EPHA6: variants seen among roughly 807,000 people sequenced by gnomAD.
EPHA6 encodes the protein EPH receptor A6.
EPHA6 carries 50 observed loss-of-function variants against 112.0 expected under a neutral mutation model. The ratio of observed to expected loss-of-function variants is 0.45; its 90% CI spans 0.36 to 0.56. EPHA6 has a LOEUF of 0.56. Among genes scored for constraint, EPHA6 ranks in the 20% least tolerant of loss-of-function variants. The probability of loss-of-function intolerance (pLI) is 0.00; values close to 1 mark genes in which losing one functional copy is unlikely to be tolerated. For missense variants in EPHA6, 1,280 were observed against 1,417.4 expected, an observed-to-expected ratio of 0.90 and a Z score of 1.56; for synonymous variants, 529 against 490.7, an observed-to-expected ratio of 1.08 and a Z score of -1.03.
intron 6 of EPHA6, among the ~76,000 whole-genome samples, chr3:97,411,174 A>G (rs2087689356): frequency 6.6e-6 from 1 of 152,000 alleles, no homozygotes; most frequent in South Asian, 2.1e-4. Context: ...TACTGATACA[A>G]ACACTCATAA....
rs1015639437 is a variant in EPHA6 at position 97,753,866 on chromosome 3, T to A, written c.*5165T>A. Among the ~76,000 whole-genome samples, 6 of 152,060 alleles carry A rather than the reference T, an allele frequency of 3.9e-5. No homozygotes were observed. In the East Asian group the frequency reaches 5.8e-4, roughly 15 times the overall value. On this transcript the variant is annotated 3_prime_UTR_variant, in exon 18 of 18. Transcript: ENST00000389672. ...CTTACTGTTAAAAAAAAAGTACTGA[T>A]GAGATGTAGCAAAGATTTCTCAGGA...
intron 5 of EPHA6, among the ~76,000 whole-genome samples, chr3:97,367,654 C>T (rs1577115679): frequency 6.6e-6 from 1 of 151,916 alleles, no homozygotes; most frequent in African/African-American, 2.4e-5. Context: ...TCGTAACCTG[C>T]CCCTTTTATA....
chr3:97,178,621 A>G (rs1295813944), intron 3 of EPHA6, among the ~76,000 whole-genome samples: 1 of 152,104 alleles, frequency 6.6e-6, no homozygotes, highest in Non-Finnish European at 1.5e-5. Flanking sequence ...CAGATATACT[A>G]TTCTATGATT....
intron 5 of EPHA6, among the ~76,000 whole-genome samples, chr3:97,365,986 C>T (rs2084703684): frequency 6.6e-6 from 1 of 152,096 alleles, no homozygotes; most frequent in Admixed American, 6.6e-5. Context: ...TGCTACAATT[C>T]GGATTAAAAA....
At chr3:97,462,647 A>G (rs1305713732) in intron 7 of EPHA6, among the ~76,000 whole-genome samples, 1 of 152,206 alleles carries the variant, frequency 6.6e-6, no homozygotes, top group Non-Finnish European at 1.5e-5. Flanking sequence ...GGTATTAGGT[A>G]TGTTATCACT....
intron 11 of EPHA6, among the ~76,000 whole-genome samples, chr3:97,566,299 A>G (rs550518018): frequency 3.3e-5 from 5 of 152,298 alleles, no homozygotes; most frequent in East Asian, 3.9e-4. Flanking sequence ...CCCATTACCC[A>G]GTCTTCTCCC....
At chr3:97,088,624 C>T (rs974387069) in intron 3 of EPHA6, among the ~76,000 whole-genome samples, 5 of 152,086 alleles carry the variant, frequency 3.3e-5, no homozygotes, top group African/African-American at 1.2e-4. Context: ...TTTTCATTTC[C>T]CCTGACTCTA....
rs1243698887 is a variant in EPHA6, at chr3:97,492,580, A to C, written c.2200+8521A>C. On this transcript the variant is annotated intron_variant, in intron 10 of 17. Coordinates refer to ENST00000389672, the MANE Select transcript of EPHA6 (RefSeq NM_001080448.3). ...AAAAAAAAAAAAAAAAAAAAAAAAA[A>C]AAAAAAAAAAAAAACCGTGGATAAT... Among the ~76,000 whole-genome samples, 3 of 127,916 alleles carry C rather than the reference A, an allele frequency of 2.3e-5. No individual in the cohort carries two copies. The East Asian group carries it at 6.3e-4, about 27-fold the overall frequency. 83.9% of individuals were successfully genotyped at this position (127,916 alleles called of 152,430 possible).
intron 3 of EPHA6, among the ~76,000 whole-genome samples, chr3:97,218,821 G>C: frequency 6.6e-6 from 1 of 152,138 alleles, no homozygotes; most frequent in East Asian, 1.9e-4. Context: ...AGTCTCATCT[G>C]AGAAAAGGCA....
At chr3:97,094,022 G>A (rs1051069949) in intron 3 of EPHA6, among the ~76,000 whole-genome samples, 28 of 152,054 alleles carry the variant, frequency 1.8e-4, no homozygotes, top group Non-Finnish European at 3.8e-4. Context: ...CTAAGTCATG[G>A]CCAGATGATC....
chr3:97,048,579 A>T (rs1484339006), intron 3 of EPHA6, among the ~76,000 whole-genome samples: 1 of 152,210 alleles, frequency 6.6e-6, no homozygotes, highest in African/African-American at 2.4e-5. Flanking sequence ...ATTCTAACAA[A>T]ATAGAATTTC....
chr3:96,854,255 C>A (rs1340110520), intron 1 of EPHA6, among the ~76,000 whole-genome samples: 1 of 149,714 alleles, frequency 6.7e-6, no homozygotes, highest in East Asian at 2.0e-4. Context: ...TCTCAGCTCA[C>A]TGCAACCTCT....
At chr3:97,436,428 C>A (rs540231663) in intron 6 of EPHA6, among the ~76,000 whole-genome samples, 78 of 152,022 alleles carry the variant, frequency 5.1e-4, no homozygotes, top group Non-Finnish European at 9.7e-4. Context: ...ACCACGGTGA[C>A]AAAATACATT....
chr3:97,265,515 T>G (rs1266462237), intron 5 of EPHA6, among the ~76,000 whole-genome samples: 2 of 152,174 alleles, frequency 1.3e-5, no homozygotes, highest in Non-Finnish European at 2.9e-5. Context: ...GCCCCAGCCC[T>G]CCTGCTCTGA....
chr3:97,316,515 A>T (rs2081846092), intron 5 of EPHA6, among the ~76,000 whole-genome samples: 1 of 151,894 alleles, frequency 6.6e-6, no homozygotes, highest in Admixed American at 6.6e-5. Context: ...ATTTATTCTG[A>T]TGATCCCCTT....
At chr3:97,685,099 C>T (rs373641590) in intron 14 of EPHA6, among the ~76,000 whole-genome samples, 28 of 152,148 alleles carry the variant, frequency 1.8e-4, no homozygotes, top group African/African-American at 6.5e-4. Context: ...AATTTAGCAA[C>T]CACAAGAAAA....
At chr3:97,557,258 C>G (rs2093124811) in intron 11 of EPHA6, among the ~76,000 whole-genome samples, 2 of 151,930 alleles carry the variant, frequency 1.3e-5, no homozygotes, top group Admixed American at 1.3e-4. Flanking sequence ...TTTTACTTAG[C>G]TGTATCTGCT....
chr3:96,876,658 C>A (rs1020634041), intron 2 of EPHA6, among the ~76,000 whole-genome samples: 3 of 152,080 alleles, frequency 2.0e-5, no homozygotes, highest in African/African-American at 4.8e-5. Context: ...GCCACCTCCA[C>A]TTTCCAGCTT....
intron 15 of EPHA6, among the ~76,000 whole-genome samples, chr3:97,722,686 G>A (rs2034582702): frequency 6.6e-6 from 1 of 151,414 alleles, no homozygotes; most frequent in African/African-American, 2.4e-5. Context: ...CTGCTATGGG[G>A]GAAAAAAGCA....
Sources: allele counts gnomAD v4.1 joint callset (sites outside exome capture counted in the v4.1 genomes callset), GRCh38; gene constraint gnomAD v4.1.1; transcripts MANE v1.5; gene names NCBI Gene and HGNC (gene_info 2026-07-23, HGNC 2026-07-21).